The following POU4F2 variants were observed in gnomAD, a reference collection of about 807,000 sequenced individuals.
POU4F2 encodes POU class 4 homeobox 2, also known as POU domain, class 4, transcription factor 2.
A neutral mutation model predicts 21.5 loss-of-function variants in POU4F2; 10 were observed. The observed-to-expected ratio is 0.46, with a 90% CI of 0.29 to 0.79. The LOEUF (loss-of-function observed/expected upper bound fraction) is 0.79. Among genes scored for constraint, POU4F2 ranks in the 30% least tolerant of loss-of-function variants. POU4F2 has a pLI of 0.10. For missense variants in POU4F2, 623 were observed against 603.3 expected, an observed-to-expected ratio of 1.03 and a Z score of -0.34; for synonymous variants, 324 against 271.1, an observed-to-expected ratio of 1.20 and a Z score of -1.92.
chr4:146,640,313 G>T lies in POU4F2; in HGVS notation c.735G>T (p.Met245Ile). ...MAHAHGLPSH[M>I]GCMSDVDADP... The stretch of plus-strand genomic sequence containing the variant: ...ACGCGCACGGGCTGCCGTCGCACAT[G>T]GGCTGCATGAGCGACGTGGACGCCG... Residue 245 changes from methionine (M) to isoleucine (I), a missense_variant, in exon 2 of 2, where the codon ATG becomes ATT. This residue lies in a region of POU4F2 where 523 missense variants were observed against 504.1 expected (regional missense o/e 1.04). Coordinates refer to ENST00000281321, the MANE Select transcript of POU4F2 (RefSeq NM_004575.3). This position sits in a 1 kb window ranked among gnomAD's most constrained non-coding sequence, Gnocchi z 4.8. 1 of 1,572,358 alleles carries T rather than the reference G, an allele frequency of 6.4e-7. No individual in the cohort carries two copies.
chr4:146,639,439 CT>C lies in POU4F2; in HGVS notation c.288+12del. The C allele has an allele frequency of 6.9e-7, 1 of 1,457,234 alleles. No homozygotes were observed. Among genetic ancestry groups the C allele is most frequent in the African/African-American group, 1.5e-5 (1 of 67,368 alleles). The allele number at this position is 1,457,234 out of a possible 1,614,324, so 90.3% of individuals were successfully genotyped here. A position where few individuals can be genotyped will look rare whatever the true frequency, so the allele number is the denominator to read the frequency against. On this transcript the variant is annotated intron_variant, in intron 1 of 1. Transcript: ENST00000281321. ...CTTCCAACCCCACCGGTGCGTATTT[CT>C]GCATAATCACCGCTTAAAGGCACAT...
rs187961734 is a variant in POU4F2 at position 146,639,782 on chromosome 4, T to A, written c.289-85T>A. 6.2e-5 allele frequency: 83 copies of A among 1,331,562 alleles called. 1 individual carries two copies. In the East Asian group the frequency reaches 2.0e-3, roughly 32 times the overall value. 82.5% of individuals were successfully genotyped at this position (1,331,562 alleles called of 1,614,324 possible). The stretch of plus-strand genomic sequence containing the variant: ...GGGAATGTTGTAGGCGCGGCGACGG[T>A]GTCGAGCCCTGGGCCGGGGCTTCCG... On this transcript the variant is annotated intron_variant, in intron 1 of 1. Coordinates refer to ENST00000281321, the MANE Select transcript of POU4F2 (RefSeq NM_004575.3).
chr4:146,639,338 C>T lies in POU4F2; in HGVS notation c.198C>T (p.Gly66=), dbSNP rs1174268866. 2.1e-6 allele frequency: 3 copies of T among 1,440,948 alleles called. No individual in the cohort carries two copies. In the African/African-American group the frequency reaches 4.6e-5, roughly 22 times the overall value. The allele number at this position is 1,440,948 out of a possible 1,614,324, so 89.3% of individuals were successfully genotyped here. A position where few individuals can be genotyped will look rare whatever the true frequency, so the allele number is the denominator to read the frequency against. The change falls in exon 1 of 2, where the codon GGC becomes GGT. Residue 66 remains glycine, a synonymous_variant. Coordinates refer to ENST00000281321, the MANE Select transcript of POU4F2 (RefSeq NM_004575.3). ...GGGGGGGGGG[G]GGRSSSSSSS... ...GCGGCGGCGGCGGCGGCGGCGGCGG[C>T]GGAGGCCGAAGCAGCAGCTCCAGCA...
rs1347096541 is a variant in POU4F2, at chr4:146,641,772, G to C, written c.*964G>C. On this transcript the variant is annotated 3_prime_UTR_variant, in exon 2 of 2. Coordinates refer to ENST00000281321, the MANE Select transcript of POU4F2 (RefSeq NM_004575.3). Reference sequence around the variant, plus strand: ...CTTAATCGTGTAGACCTGATTCACTGTCTGAAGTATTGTTTACTTCGTTAC... The same window carrying C: ...CTTAATCGTGTAGACCTGATTCACTCTCTGAAGTATTGTTTACTTCGTTAC... The C allele has an allele frequency of 6.6e-6, 1 of 152,422 alleles. No homozygotes were observed. Among genetic ancestry groups the C allele is most frequent in the African/African-American group, 2.4e-5 (1 of 41,372 alleles). The allele number at this position is 152,422 out of a possible 1,614,324, so 9.4% of individuals were successfully genotyped here. A position where few individuals can be genotyped will look rare whatever the true frequency, so the allele number is the denominator to read the frequency against.
rs746876184 is a variant in POU4F2, at chr4:146,640,095, C to T, written c.517C>T (p.His173Tyr). The T allele has an allele frequency of 2.5e-6, 4 of 1,603,050 alleles. No individual in the cohort carries two copies. The highest frequency in any genetic ancestry group is 2.7e-5 in the African/African-American group (2 of 74,894). ...HPSALAGTHH[H>Y]HHHHHHHHHQ... ...TTCCGCGTTGGCGGGCACGCACCAC[C>T]ACCACCACCATCACCACCACCACCA... The change falls in exon 2 of 2, where the codon CAC becomes TAC. Residue 173 changes from histidine (H) to tyrosine (Y), a missense_variant. Physicochemically the swap from His to Tyr is moderately conservative, Grantham distance 83. This residue lies in a region of POU4F2 where 523 missense variants were observed against 504.1 expected (regional missense o/e 1.04). Coordinates refer to ENST00000281321, the MANE Select transcript of POU4F2 (RefSeq NM_004575.3). This position sits in a 1 kb window ranked among gnomAD's most constrained non-coding sequence, Gnocchi z 4.8.
Position 146,640,626 on chromosome 4 carries a change from A to G in POU4F2, c.1048A>G (p.Thr350Ala), listed in dbSNP as rs1368971297. Residue 350 changes from threonine (T) to alanine (A), a missense_variant, in exon 2 of 2, where the codon ACG (threonine) becomes GCG (alanine). By Grantham distance (58) the Thr-to-Ala change is moderately conservative. Coordinates refer to ENST00000281321, the MANE Select transcript of POU4F2 (RefSeq NM_004575.3). The surrounding 1 kb of genome is among the most constrained non-coding windows in gnomAD (Gnocchi z 4.8). The part of the protein sequence containing the change: ...FNGAEKKRKR[T>A]SIAAPEKRSL... ...TGGCGCGGAGAAGAAGCGCAAGCGC[A>G]CGTCCATCGCTGCGCCAGAGAAGCG... 1.9e-6 allele frequency: 3 copies of G among 1,614,156 alleles called. No homozygotes were observed. The highest frequency in any genetic ancestry group is 2.5e-6 in the Non-Finnish European group (3 of 1,180,048).
intron 1 of POU4F2, 83 bp from the exon 2 acceptor site, chr4:146,639,784 T>A: frequency 7.2e-7 from 1 of 1,380,468 alleles, no homozygotes; most frequent in Non-Finnish European, 9.8e-7. Flanking sequence ...GGCGACGGTG[T>A]CGAGCCCTGG....
Position 146,639,972 on chromosome 4 carries a change from C to G in POU4F2, c.394C>G (p.His132Asp). Residue 132 changes from histidine to aspartate, a missense_variant, in exon 2 of 2, where the codon CAC becomes GAC. His to Asp is a moderately conservative substitution (Grantham distance 81). This residue lies in a region of POU4F2 where 523 missense variants were observed against 504.1 expected (regional missense o/e 1.04). Transcript: ENST00000281321. ...CAAGAGCCACCACCACCATCCACCC[C>G]ACCACAGCCCCTTCAAACCGGACGC... is the stretch of plus-strand genomic sequence containing the variant. ...QSKSHHHHPP[H>D]HSPFKPDATY... The G allele has an allele frequency of 6.2e-7, 1 of 1,612,966 alleles. No homozygotes were observed. The highest frequency in any genetic ancestry group is 8.5e-7 in the Non-Finnish European group (1 of 1,179,486).
Position 146,641,742 on chromosome 4 carries a change from G to A in POU4F2, c.*934G>A, listed in dbSNP as rs1740890805. 1 of 152,462 alleles carries A rather than the reference G, an allele frequency of 6.6e-6. No individual in the cohort carries two copies. The highest frequency in any genetic ancestry group is 2.4e-5 in the African/African-American group (1 of 41,368). 9.4% of individuals were successfully genotyped at this position (152,462 alleles called of 1,614,324 possible). ...ATTTGTGAGTCGACACTCAGTAATG[G>A]ATGTCTTAATCGTGTAGACCTGATT... On this transcript the variant is annotated 3_prime_UTR_variant, in exon 2 of 2. Transcript: ENST00000281321.
In POU4F2 at chr4:146,640,655, G is replaced by T. The variant is rs746344869; in HGVS notation, c.1077G>T (p.Ser359=). 6 of 1,614,126 alleles carry T rather than the reference G, an allele frequency of 3.7e-6. No individual in the cohort carries two copies. In the African/African-American group the frequency reaches 8.0e-5, roughly 22 times the overall value. ...CCATCGCTGCGCCAGAGAAGCGCTC[G>T]CTCGAAGCCTACTTTGCCATTCAGC... is the stretch of plus-strand genomic sequence containing the variant. ...RTSIAAPEKR[S]LEAYFAIQPR... The change falls in exon 2 of 2, where the codon TCG becomes TCT. Residue 359 remains serine (S), a synonymous_variant. Coordinates refer to ENST00000281321, the MANE Select transcript of POU4F2 (RefSeq NM_004575.3). This position sits in a 1 kb window ranked among gnomAD's most constrained non-coding sequence, Gnocchi z 4.8.
In POU4F2 at chr4:146,639,135, G is replaced by A. The variant is rs202046663; in HGVS notation, c.-6G>A. 9 of 1,602,918 alleles carry A rather than the reference G, an allele frequency of 5.6e-6. No homozygotes were observed. The highest frequency in any genetic ancestry group is 1.1e-5 in the South Asian group (1 of 89,550). ...TCTACGGACCAGCGCCCCGGCGGGCGGGAAGATGATGATGATGTCCCTGAA... is the reference window on the plus strand; with the variant it reads ...TCTACGGACCAGCGCCCCGGCGGGCAGGAAGATGATGATGATGTCCCTGAA... On this transcript the variant is annotated 5_prime_UTR_variant, in exon 1 of 2. Transcript: ENST00000281321.
In POU4F2 at chr4:146,640,480, G is replaced by A; in HGVS notation, c.902G>A (p.Arg301Lys). ...VGSLSQSTIC[R>K]FESLTLSHNN... Reference sequence around the variant, plus strand: ...TCGCTTAGCCAGAGCACCATCTGCAGGTTCGAGTCCCTCACACTGTCCCAC... The same window carrying A: ...TCGCTTAGCCAGAGCACCATCTGCAAGTTCGAGTCCCTCACACTGTCCCAC... The change falls in exon 2 of 2, where the codon AGG becomes AAG. Residue 301 changes from arginine (R) to lysine (K), a missense_variant. Transcript: ENST00000281321. This position sits in a 1 kb window ranked among gnomAD's most constrained non-coding sequence, Gnocchi z 4.8. 1.9e-6 allele frequency: 3 copies of A among 1,614,142 alleles called. No individual in the cohort carries two copies. The highest frequency in any genetic ancestry group is 2.5e-6 in the Non-Finnish European group (3 of 1,180,034).
rs1427461041 is a variant in POU4F2, at chr4:146,639,273, A to G, written c.133A>G (p.Ser45Gly). 1.1e-5 allele frequency: 18 copies of G among 1,565,506 alleles called. No homozygotes were observed. The highest frequency in any genetic ancestry group is 1.9e-5 in the Admixed American group (1 of 53,426). ...GSSAPIAPSA[S>G]SPSSSSNAGG... Reference sequence around the variant, plus strand: ...CTCGGCTCCCATCGCGCCCTCGGCCAGCTCCCCCAGCAGCTCGAGCAACGC... The same window carrying G: ...CTCGGCTCCCATCGCGCCCTCGGCCGGCTCCCCCAGCAGCTCGAGCAACGC... Residue 45 changes from serine to glycine, a missense_variant, in exon 1 of 2, where the codon AGC (serine) becomes GGC (glycine). Transcript: ENST00000281321.
rs1262035450 is a variant in POU4F2 at position 146,642,263 on chromosome 4, G to A, written c.*1455G>A. 1 of 152,178 alleles carries A rather than the reference G, an allele frequency of 6.6e-6. No individual in the cohort carries two copies. The highest frequency in any genetic ancestry group is 1.5e-5 in the Non-Finnish European group (1 of 68,018). 9.4% of individuals were successfully genotyped at this position (152,178 alleles called of 1,614,324 possible). A position where few individuals can be genotyped will look rare whatever the true frequency, so the allele number is the denominator to read the frequency against. ...TTCTTACAAATTTTGCTGTATTGCT[G>A]TTCTCTTTGAGGCTCTCCAAAGTCT... On this transcript the variant is annotated 3_prime_UTR_variant, in exon 2 of 2. Coordinates refer to ENST00000281321, the MANE Select transcript of POU4F2 (RefSeq NM_004575.3).
rs1740875282 is a variant in POU4F2, at chr4:146,640,871, G to T, written c.*63G>T. 4.8e-6 allele frequency: 7 copies of T among 1,469,124 alleles called. No individual in the cohort carries two copies. The highest frequency in any genetic ancestry group is 2.1e-4 in the Middle Eastern group (1 of 4,746). The allele number at this position is 1,469,124 out of a possible 1,614,324, so 91.0% of individuals were successfully genotyped here. A position where few individuals can be genotyped will look rare whatever the true frequency, so the allele number is the denominator to read the frequency against. On this transcript the variant is annotated 3_prime_UTR_variant, in exon 2 of 2. Coordinates refer to ENST00000281321, the MANE Select transcript of POU4F2 (RefSeq NM_004575.3). This position sits in a 1 kb window ranked among gnomAD's most constrained non-coding sequence, Gnocchi z 4.8. The stretch of plus-strand genomic sequence containing the variant: ...TCCGCTCTTTTCTCTCCTCTCTTCT[G>T]CCTCTTTTCACTTTTGGCGACTAGA...
At position 146,639,279 on chromosome 4, in the gene POU4F2, CCCAGCAGCTCGA is replaced by C. The variant is rs756777934; in HGVS notation, c.140_151del (p.Pro47_Ser51delinsArg). 2 of 1,557,576 alleles carry C rather than the reference CCCAGCAGCTCGA, an allele frequency of 1.3e-6. No homozygotes were observed. On this transcript the variant is annotated inframe_deletion, in exon 1 of 2. Transcript: ENST00000281321. The stretch of plus-strand genomic sequence containing the variant: ...TCCCATCGCGCCCTCGGCCAGCTCC[CCCAGCAGCTCGA>C]GCAACGCTGGTGGTGGCGGCGGCGG...
In POU4F2 at chr4:146,639,436, T is replaced by C. The variant is rs560056871; in HGVS notation, c.288+8T>C. 9 of 1,457,524 alleles carry C rather than the reference T, an allele frequency of 6.2e-6. No individual in the cohort carries two copies. The highest frequency in any genetic ancestry group is 5.7e-5 in the Admixed American group (2 of 34,962). 90.3% of individuals were successfully genotyped at this position (1,457,524 alleles called of 1,614,324 possible). ...TGTCTTCCAACCCCACCGGTGCGTATTTCTGCATAATCACCGCTTAAAGGC... is the reference window on the plus strand; with the variant it reads ...TGTCTTCCAACCCCACCGGTGCGTACTTCTGCATAATCACCGCTTAAAGGC... On this transcript the variant is annotated splice_region_variant and intron_variant, in intron 1 of 1. Coordinates refer to ENST00000281321, the MANE Select transcript of POU4F2 (RefSeq NM_004575.3).
At chr4:146,639,673 C>T (rs779933001) in intron 1 of POU4F2, among the ~76,000 whole-genome samples, 194 bp from the exon 2 acceptor site, 5 of 151,854 alleles carry the variant, frequency 3.3e-5, no homozygotes, top group Non-Finnish European at 7.4e-5. Flanking sequence ...CCTCCTCCTG[C>T]ACTCTCGGCT....
At chr4:146,639,493 G>GT (rs1303344405) in intron 1 of POU4F2, 65 bp downstream of exon 1, 5 of 1,444,282 alleles carry the variant, frequency 3.5e-6, no homozygotes, top group East Asian at 2.7e-5. Flanking sequence ...TCTGCTTGAT[G>GT]TTTTTTTCAT....
Sources: gnomAD v4.1 joint callset for allele counts (sites outside exome capture counted in the v4.1 genomes callset) on GRCh38, gnomAD v4.1.1 for gene constraint, gnomAD v4.1.1 regional missense constraint, Gnocchi (gnomAD v3.1) non-coding constraint, MANE v1.5 for transcripts, NCBI Gene and HGNC (gene_info 2026-07-23, HGNC 2026-07-21) for gene names.